Variants in AGMO observed in about 807,000 individuals in gnomAD.
The protein encoded by AGMO is alkylglycerol monooxygenase, also known as glyceryl-ether monooxygenase.
In AGMO, 75 loss-of-function variants were observed where a neutral mutation model predicts 60.2. The ratio of observed to expected loss-of-function variants is 1.25; its 90% CI spans 1.03 to 1.51. The LOEUF is 1.51. Among genes scored for constraint, AGMO ranks in the 40% most tolerant of loss-of-function variants. AGMO has a pLI of 0.00. For synonymous variants in AGMO, 261 were observed against 177.1 expected, an observed-to-expected ratio of 1.47 and a Z score of -3.76; for missense variants, 763 against 525.5, an observed-to-expected ratio of 1.45 and a Z score of -4.42.
chr7:15,154,113 C>A, the AGMO span, among the ~76,000 whole-genome samples: 1 of 152,048 alleles, frequency 6.6e-6, no homozygotes, highest in South Asian at 2.1e-4. Flanking sequence ...ATGATATGAT[C>A]ATATACCTAG....
the AGMO span, among the ~76,000 whole-genome samples, chr7:15,173,376 A>G: frequency 6.6e-6 from 1 of 152,200 alleles, no homozygotes; most frequent in Non-Finnish European, 1.5e-5. Flanking sequence ...AATGTCATTT[A>G]CTTTTATGGA....
At chr7:15,150,911 T>C in the AGMO span, among the ~76,000 whole-genome samples, 2 of 152,110 alleles carry the variant, frequency 1.3e-5, no homozygotes, top group African/African-American at 4.8e-5. Flanking sequence ...TTCTTCTTTA[T>C]ATGTCTGGTA....
chr7:15,221,017 G>A (rs774368072), intron 12 of AGMO, among the ~76,000 whole-genome samples: 2 of 152,114 alleles, frequency 1.3e-5, no homozygotes, highest in African/African-American at 4.8e-5. Flanking sequence ...ATACAATGAG[G>A]ATGTCAGAAT....
intron 3 of AGMO, among the ~76,000 whole-genome samples, chr7:15,460,490 T>C (rs1309000516): frequency 6.6e-6 from 1 of 152,150 alleles, no homozygotes; most frequent in East Asian, 1.9e-4. Context: ...AATATATTCA[T>C]TATTATGAAA....
Position 15,201,130 on chromosome 7 carries a change from A to T in AGMO, c.*155T>A. The stretch of plus-strand genomic sequence containing the variant: ...CTTTAATTTTTAATAGAAAATAACA[A>T]ATGTGAAAGGCAAACAATAGTAAAT... On this transcript the variant is annotated 3_prime_UTR_variant, in exon 13 of 13. Coordinates refer to ENST00000342526, the MANE Select transcript of AGMO (RefSeq NM_001004320.2). 2.1e-6 allele frequency: 1 copy of T among 479,816 alleles called. No homozygotes were observed. Among genetic ancestry groups the T allele is most frequent in the Non-Finnish European group, 3.5e-6 (1 of 285,958 alleles). The allele number at this position is 479,816 out of a possible 1,614,324, so 29.7% of individuals were successfully genotyped here.
At chr7:15,185,001 T>C in the AGMO span, among the ~76,000 whole-genome samples, 1 of 152,126 alleles carries the variant, frequency 6.6e-6, no homozygotes, top group Non-Finnish European at 1.5e-5. Flanking sequence ...TGAATTGTTT[T>C]GTTGTGCAAG....
chr7:15,437,498 A>T (rs1781432242), intron 3 of AGMO, among the ~76,000 whole-genome samples: 1 of 151,476 alleles, frequency 6.6e-6, no homozygotes, highest in African/African-American at 2.4e-5. Context: ...CATGATAGAA[A>T]CCAGGCTTCT....
chr7:15,418,714 T>C (rs1040418032), intron 4 of AGMO, 61 bp from the exon 5 acceptor site: 11 of 993,160 alleles, frequency 1.1e-5, no homozygotes, highest in Admixed American at 5.6e-5. Context: ...GCTTTGTTAA[T>C]GGTTCAATAT....
intron 2 of AGMO, among the ~76,000 whole-genome samples, chr7:15,547,538 G>A (rs1784817378): frequency 1.3e-5 from 2 of 152,152 alleles, no homozygotes; most frequent in Admixed American, 6.5e-5. Flanking sequence ...CCCTTTCCGA[G>A]TCAAAGAAAG....
the AGMO span, among the ~76,000 whole-genome samples, chr7:15,193,428 T>G: frequency 4.6e-5 from 7 of 152,322 alleles, no homozygotes; most frequent in East Asian, 1.3e-3. Flanking sequence ...AAATTATGGC[T>G]TTTTAAATTC....
At chr7:15,306,771 A>G (rs1326644766) in intron 12 of AGMO, among the ~76,000 whole-genome samples, 1 of 152,010 alleles carries the variant, frequency 6.6e-6, no homozygotes, top group Admixed American at 6.6e-5. Context: ...CTAAACTAAG[A>G]TTTCTACTTT....
intron 12 of AGMO, among the ~76,000 whole-genome samples, chr7:15,299,894 T>G (rs1355468808): frequency 7.6e-6 from 1 of 130,984 alleles, no homozygotes; most frequent in Non-Finnish European, 1.7e-5. Flanking sequence ...CACAGTATGT[T>G]TTGTGTTCAA....
rs952147165 is a variant in AGMO, at chr7:15,376,199, C to A, written c.1074+9247G>T. Among the ~76,000 whole-genome samples, 36 of 151,698 alleles carry A rather than the reference C, an allele frequency of 2.4e-4. 1 individual carries two copies. The highest frequency in any genetic ancestry group is 8.2e-4 in the African/African-American group (34 of 41,244). On this transcript the variant is annotated intron_variant, in intron 10 of 12. Transcript: ENST00000342526. ...TGGCCCACATTCCTTTTTTTTCCCCCACATTACGTAACTTAGTTACCACCG... is the reference window on the plus strand; with the variant it reads ...TGGCCCACATTCCTTTTTTTTCCCCAACATTACGTAACTTAGTTACCACCG...
downstream of AGMO, among the ~76,000 whole-genome samples, chr7:15,197,531 C>CA (rs1214629397): frequency 6.6e-6 from 1 of 152,114 alleles, no homozygotes. Flanking sequence ...TTCAGTTTAA[C>CA]AAAAATAATT....
At chr7:15,226,373 C>A (rs1014096909) in intron 12 of AGMO, among the ~76,000 whole-genome samples, 6 of 152,070 alleles carry the variant, frequency 3.9e-5, no homozygotes, top group African/African-American at 1.4e-4. Context: ...TTAGAAAAGT[C>A]AGTTAAGCTT....
the AGMO span, among the ~76,000 whole-genome samples, chr7:15,122,884 TTAAATA>T: frequency 3.2e-4 from 49 of 152,168 alleles, 1 homozygote; most frequent in East Asian, 7.0e-3. Context: ...CATTTAAAAC[TTAAATA>T]TAATCATGTC....
intron 3 of AGMO, among the ~76,000 whole-genome samples, chr7:15,480,906 A>G (rs1183720965): frequency 2.7e-5 from 4 of 149,152 alleles, no homozygotes; most frequent in African/African-American, 7.3e-5. Context: ...CCTCATAGTT[A>G]TAGATTCTTG....
At chr7:15,150,414 C>A in the AGMO span, among the ~76,000 whole-genome samples, 5 of 151,996 alleles carry the variant, frequency 3.3e-5, no homozygotes, top group Admixed American at 2.0e-4. Context: ...AGCTTTTGCC[C>A]ATTTAGTATG....
the AGMO span, among the ~76,000 whole-genome samples, chr7:15,163,704 T>C: frequency 1.3e-5 from 2 of 152,130 alleles, no homozygotes; most frequent in African/African-American, 4.8e-5. Flanking sequence ...TTTTCTTATA[T>C]GTTGGATTCA....
Sources: gnomAD v4.1 joint callset for allele counts (sites outside exome capture counted in the v4.1 genomes callset) on GRCh38, gnomAD v4.1.1 for gene constraint, MANE v1.5 for transcripts, NCBI Gene and HGNC (gene_info 2026-07-23, HGNC 2026-07-21) for gene names.